The following SF3B1 variants were observed in gnomAD, a reference collection of about 807,000 sequenced individuals.
SF3B1 encodes the protein pre-mRNA processing 10.
Under a neutral mutation model 153.8 loss-of-function variants are expected in SF3B1, and 12 were observed. The observed-to-expected ratio is 0.08, with a 90% CI of 0.05 to 0.13. SF3B1 has a LOEUF of 0.13. SF3B1 is among the 10% of genes least tolerant of loss of function. SF3B1 has a pLI of 1.00. For synonymous variants in SF3B1, 498 were observed against 525.2 expected (o/e 0.95, Z 0.71); for missense variants, 513 against 1,606.1 (o/e 0.32, Z 11.63).
intron 1 of SF3B1, among the ~76,000 whole-genome samples, chr2:197,431,293 T>C (rs1197071140): frequency 6.6e-6 from 1 of 152,004 alleles, no homozygotes; most frequent in Non-Finnish European, 1.5e-5. Context: ...AATTTTTTTG[T>C]ACTTTTAGTA....
intron 21 of SF3B1, 102 bp from the exon 22 acceptor site, chr2:197,398,218 C>T: frequency 9.6e-7 from 1 of 1,045,448 alleles, no homozygotes; most frequent in Non-Finnish European, 1.4e-6. Flanking sequence ...TCATTTTAAG[C>T]ATTAAATAAA....
chr2:197,413,511 C>T (rs754020286), intron 6 of SF3B1, among the ~76,000 whole-genome samples: 1 of 152,216 alleles, frequency 6.6e-6, no homozygotes, highest in African/African-American at 2.4e-5. Flanking sequence ...TCACCTTAAA[C>T]TAAATTGTTT....
At chr2:197,407,314 T>C (rs900760936) in intron 9 of SF3B1, among the ~76,000 whole-genome samples, 1 of 151,892 alleles carries the variant, frequency 6.6e-6, no homozygotes, top group Non-Finnish European at 1.5e-5. Context: ...TAGGTTGATA[T>C]GATAAAAAGG....
At position 197,421,120 on chromosome 2, in the gene SF3B1, T is replaced by C. The variant is rs368842371; in HGVS notation, c.209A>G (p.Tyr70Cys). ...ATELEDDDDDYSSSTSLLGQK... is the reference protein window; with the variant it reads ...ATELEDDDDDCSSSTSLLGQK... The stretch of plus-strand genomic sequence containing the variant: ...ACCAAGCAAACTCGTAGATGATGAA[T>C]AGTCATCGTCATCCTGCAATGAAAA... Residue 70 changes from tyrosine (Y) to cysteine (C), a missense_variant, in exon 3 of 25, where the codon TAT becomes TGT. Tyr to Cys is a radical substitution (Grantham distance 194). This residue lies in a region of SF3B1 where 56 missense variants were observed against 75.6 expected (regional missense o/e 0.74). Transcript: ENST00000335508. 10 of 1,611,586 alleles carry C rather than the reference T, an allele frequency of 6.2e-6. No homozygotes were observed. Among genetic ancestry groups the C allele is most frequent in the South Asian group, 1.1e-5 (1 of 90,866 alleles).
At chr2:197,415,393 C>G (rs2085133240) in intron 6 of SF3B1, among the ~76,000 whole-genome samples, 1 of 151,950 alleles carries the variant, frequency 6.6e-6, no homozygotes, top group African/African-American at 2.4e-5. Context: ...GCTGGTACTA[C>G]AGGCACACGC....
At chr2:197,394,951 G>A (rs866288228) in intron 23 of SF3B1, among the ~76,000 whole-genome samples, 1 of 152,012 alleles carries the variant, frequency 6.6e-6, no homozygotes, top group Non-Finnish European at 1.5e-5. Context: ...TAGTAACACA[G>A]ACCATATCAA....
chr2:197,433,317 A>T (rs570250074), intron 1 of SF3B1, among the ~76,000 whole-genome samples: 1 of 152,364 alleles, frequency 6.6e-6, no homozygotes, highest in Non-Finnish European at 1.5e-5. Flanking sequence ...GAATAGCAAT[A>T]GACCAAAGTT....
intron 1 of SF3B1, among the ~76,000 whole-genome samples, chr2:197,424,441 C>G (rs569682057): frequency 6.7e-6 from 1 of 150,118 alleles, no homozygotes; most frequent in East Asian, 2.0e-4. Flanking sequence ...GCGGAGGTTG[C>G]AGATCACACC....
Position 197,392,375 on chromosome 2 carries a change from T to C in SF3B1, c.3843A>G (p.Ile1281Met), listed in dbSNP as rs1369634307. Residue 1281 changes from isoleucine to methionine, a missense_variant, in exon 25 of 25, where the codon ATA becomes ATG. Ile to Met is a conservative substitution (Grantham distance 10). Transcript: ENST00000335508. ...SIYIGSQDAL[I>M]AHYPRIYNDD... Reference sequence around the variant, plus strand: ...CGTTGTAGATTCTTGGGTAATGTGCTATGAGAGCGTCCTGGGAACCAATGT... The same window carrying C: ...CGTTGTAGATTCTTGGGTAATGTGCCATGAGAGCGTCCTGGGAACCAATGT... 1.2e-6 allele frequency: 2 copies of C among 1,605,042 alleles called. No individual in the cohort carries two copies. The highest frequency in any genetic ancestry group is 1.7e-6 in the Non-Finnish European group (2 of 1,171,912).
chr2:197,410,752 C>G (rs2085056254), intron 6 of SF3B1, among the ~76,000 whole-genome samples: 1 of 152,136 alleles, frequency 6.6e-6, no homozygotes, highest in Admixed American at 6.5e-5. Flanking sequence ...GATCCACCCA[C>G]CTTGGCCTCC....
chr2:197,412,264 G>A (rs1350973081), intron 6 of SF3B1, among the ~76,000 whole-genome samples: 1 of 151,950 alleles, frequency 6.6e-6, no homozygotes, highest in Non-Finnish European at 1.5e-5. Flanking sequence ...ATTATCTATT[G>A]TAATTCCTAC....
intron 6 of SF3B1, among the ~76,000 whole-genome samples, chr2:197,412,621 G>T (rs1323644069): frequency 6.6e-6 from 1 of 151,712 alleles, no homozygotes; most frequent in African/African-American, 2.4e-5. Flanking sequence ...CTCCCAAAGT[G>T]CTGGGATTAC....
chr2:197,413,106 TTAC>T (rs1318734260), intron 6 of SF3B1, among the ~76,000 whole-genome samples: 2 of 151,940 alleles, frequency 1.3e-5, no homozygotes, highest in Non-Finnish European at 2.9e-5. Context: ...AGAATTAAAG[TTAC>T]TAGTTACTTG....
rs2105987595 is a variant in SF3B1 at position 197,402,842 on chromosome 2, A to G, written c.1807-16T>C. 1 of 1,612,396 alleles carries G rather than the reference A, an allele frequency of 6.2e-7. No individual in the cohort carries two copies. The highest frequency in any genetic ancestry group is 1.1e-5 in the South Asian group (1 of 91,034). ...GACCAGCAGCCTAAAATGTAAACAA[A>G]GAAAGGACAGTCATGAGTTGGTAAT... On this transcript the variant is annotated splice_polypyrimidine_tract_variant and intron_variant, in intron 13 of 24. Transcript: ENST00000335508. The surrounding 1 kb of genome is among the most constrained non-coding windows in gnomAD (Gnocchi z 4.6).
chr2:197,396,365 A>C, intron 22 of SF3B1, 37 bp from the exon 23 acceptor site: 1 of 1,545,182 alleles, frequency 6.5e-7, no homozygotes, highest in African/African-American at 1.4e-5. Flanking sequence ...CTGTTACATT[A>C]TAAGTCAAAA....
At chr2:197,399,039 C>A in intron 20 of SF3B1, 1 of 1,300,178 alleles carries the variant, frequency 7.7e-7, no homozygotes, top group Non-Finnish European at 1.0e-6. Context: ...GTATTTACAC[C>A]TACGAAGAGA....
intron 9 of SF3B1, 66 bp downstream of exon 9, chr2:197,407,932 A>AT (rs1292562790): frequency 2.7e-6 from 4 of 1,474,446 alleles, no homozygotes; most frequent in Admixed American, 1.8e-5. Context: ...AGCTTAATCA[A>AT]TTTTTTTCAC....
Position 197,402,519 on chromosome 2 carries a change from G to C in SF3B1, c.2077+37C>G, listed in dbSNP as rs200694304. The C allele has an allele frequency of 3.4e-6, 3 of 890,924 alleles. No individual in the cohort carries two copies. The allele number at this position is 890,924 out of a possible 1,614,324, so 55.2% of individuals were successfully genotyped here. On this transcript the variant is annotated intron_variant, in intron 14 of 24. Coordinates refer to ENST00000335508, the MANE Select transcript of SF3B1 (RefSeq NM_012433.4). This position sits in a 1 kb window ranked among gnomAD's most constrained non-coding sequence, Gnocchi z 4.6. ...ACATAGTAAGACCCTGTCTCCTAAA[G>C]AAAAAAAAAAAAAGACAAAGTTACA...
intron 6 of SF3B1, among the ~76,000 whole-genome samples, chr2:197,415,358 T>C (rs1009239965): frequency 6.6e-6 from 1 of 152,036 alleles, no homozygotes; most frequent in Non-Finnish European, 1.5e-5. Flanking sequence ...GTTCAAGTGA[T>C]TCTCCTGTCT....
Sources: allele counts gnomAD v4.1 joint callset (sites outside exome capture counted in the v4.1 genomes callset), GRCh38; gene constraint gnomAD v4.1.1; regional missense constraint gnomAD v4.1.1; non-coding constraint Gnocchi (gnomAD v3.1); transcripts MANE v1.5; gene names NCBI Gene and HGNC (gene_info 2026-07-23, HGNC 2026-07-21).